Variants in FAM117B observed in about 807,000 individuals in gnomAD.
FAM117B encodes protein FAM117B.
In FAM117B, 22 loss-of-function variants were observed where a neutral mutation model predicts 52.8. The observed-to-expected ratio is 0.42, with a 90% CI of 0.30 to 0.59. The LOEUF (loss-of-function observed/expected upper bound fraction) is 0.59, where lower values mean the gene tolerates loss of function less well. Among genes scored for constraint, FAM117B ranks in the 20% least tolerant of loss-of-function variants. FAM117B has a pLI of 0.22. For missense variants in FAM117B, 678 were observed against 802.6 expected, an observed-to-expected ratio of 0.84 and a Z score of 1.88; for synonymous variants, 309 against 324.1, an observed-to-expected ratio of 0.95 and a Z score of 0.50.
In FAM117B at chr2:202,769,091, TCTTATA is replaced by T. The variant is rs1692031016; in HGVS notation, c.*3332_*3337del. 2 of 152,198 alleles carry T rather than the reference TCTTATA, an allele frequency of 1.3e-5. No individual in the cohort carries two copies. Among genetic ancestry groups the T allele is most frequent in the Admixed American group, 6.5e-5 (1 of 15,278 alleles). 9.4% of individuals were successfully genotyped at this position (152,198 alleles called of 1,614,324 possible). On this transcript the variant is annotated 3_prime_UTR_variant, in exon 8 of 8. Coordinates refer to ENST00000392238, the MANE Select transcript of FAM117B (RefSeq NM_173511.4). ...TAGATTATTCAATTTGTTTTATATT[TCTTATA>T]CTTAATACTTATGACTACAGTCCAA...
chr2:202,692,133 A>G (rs549255785), intron 1 of FAM117B, among the ~76,000 whole-genome samples: 9 of 152,328 alleles, frequency 5.9e-5, no homozygotes, highest in African/African-American at 2.2e-4. Context: ...CAAGACCCTT[A>G]CCAAGATAAT....
At chr2:202,664,409 G>A (rs569488795) in intron 1 of FAM117B, among the ~76,000 whole-genome samples, 6 of 152,192 alleles carry the variant, frequency 3.9e-5, no homozygotes, top group African/African-American at 1.4e-4. Context: ...ATAGTGCTAG[G>A]TAGAAGGCTT....
rs1370343491 is a variant in FAM117B, at chr2:202,635,481, CGGG to C, written c.295_297del (p.Gly99del). The C allele has an allele frequency of 9.6e-7, 1 of 1,036,386 alleles. No individual in the cohort carries two copies. The highest frequency in any genetic ancestry group is 8.8e-5 in the East Asian group (1 of 11,348). 64.2% of individuals were successfully genotyped at this position (1,036,386 alleles called of 1,614,324 possible). A position where few individuals can be genotyped will look rare whatever the true frequency, so the allele number is the denominator to read the frequency against. ...GCAGCACCAGCCCCACGCGCGGCGG[CGGG>C]AACGCGGCCGCGCGCACCAGCCCCA... On this transcript the variant is annotated inframe_deletion, in exon 1 of 8. Transcript: ENST00000392238.
chr2:202,698,392 A>G (rs1370517169), intron 2 of FAM117B, among the ~76,000 whole-genome samples: 1 of 152,210 alleles, frequency 6.6e-6, no homozygotes, highest in Non-Finnish European at 1.5e-5. Context: ...CTCTGTACTC[A>G]TCAAAAGTAA....
chr2:202,671,213 C>T (rs913751079), intron 1 of FAM117B, among the ~76,000 whole-genome samples: 2 of 152,140 alleles, frequency 1.3e-5, no homozygotes, highest in Non-Finnish European at 2.9e-5. Context: ...AAAGAAGACC[C>T]TGAGACAAGG....
In FAM117B at chr2:202,753,548, A is replaced by C. The variant is rs531185327; in HGVS notation, c.961-1990A>C. On this transcript the variant is annotated intron_variant, in intron 4 of 7. Coordinates refer to ENST00000392238, the MANE Select transcript of FAM117B (RefSeq NM_173511.4). The stretch of plus-strand genomic sequence containing the variant: ...TTAAGCTAAAGAGCTTCTGCTCAGC[A>C]AAAGAAACTATCATCAGAGTGAACA... 3.7e-3 allele frequency among the ~76,000 whole-genome samples: 571 copies of C among 152,322 alleles called. 5 individuals carry two copies. Among genetic ancestry groups the C allele is most frequent in the African/African-American group, 0.013 (546 of 41,578 alleles).
At chr2:202,750,161 G>T (rs183898653) in intron 4 of FAM117B, among the ~76,000 whole-genome samples, 1 of 152,256 alleles carries the variant, frequency 6.6e-6, no homozygotes, top group Admixed American at 6.5e-5. Context: ...GGAATGGGAG[G>T]TGACTCTCTG....
chr2:202,714,672 C>T (rs1691015564), intron 2 of FAM117B, among the ~76,000 whole-genome samples: 1 of 151,266 alleles, frequency 6.6e-6, no homozygotes, highest in African/African-American at 2.4e-5. Flanking sequence ...GGCAGAGGAC[C>T]CTGCGGCCTT....
chr2:202,705,002 T>C (rs1056528855), intron 2 of FAM117B, among the ~76,000 whole-genome samples: 8 of 151,834 alleles, frequency 5.3e-5, no homozygotes, highest in African/African-American at 1.5e-4. Context: ...GAAAGAGAAA[T>C]GCAGCATTTA....
intron 2 of FAM117B, among the ~76,000 whole-genome samples, chr2:202,707,032 G>GT (rs750769360): frequency 6.6e-6 from 1 of 151,948 alleles, no homozygotes; most frequent in Non-Finnish European, 1.5e-5. Context: ...ACCATACATT[G>GT]TTTTTTGTTG....
chr2:202,637,700 G>C (rs1370040095), intron 1 of FAM117B, among the ~76,000 whole-genome samples: 1 of 152,044 alleles, frequency 6.6e-6, no homozygotes, highest in Non-Finnish European at 1.5e-5. Context: ...CCTCACTATA[G>C]CTTTTAGAGA....
At chr2:202,723,684 A>C (rs1163955022) in intron 2 of FAM117B, among the ~76,000 whole-genome samples, 1 of 152,222 alleles carries the variant, frequency 6.6e-6, no homozygotes, top group Non-Finnish European at 1.5e-5. Flanking sequence ...TAACTTACTT[A>C]CATTGTTTCA....
chr2:202,691,405 C>T lies in FAM117B; in HGVS notation c.602-4476C>T, dbSNP rs551712414. ...CTGCACTCCAGCCTGGGTGATGGAG[C>T]GAGATTCTTTCCCCCCAAAAAAGAA... On this transcript the variant is annotated intron_variant, in intron 1 of 7. Coordinates refer to ENST00000392238, the MANE Select transcript of FAM117B (RefSeq NM_173511.4). 6.8e-4 allele frequency among the ~76,000 whole-genome samples: 103 copies of T among 151,722 alleles called. 1 individual carries two copies. The highest frequency in any genetic ancestry group is 2.4e-3 in the African/African-American group (100 of 41,310).
At position 202,655,552 on chromosome 2, in the gene FAM117B, T is replaced by C. The variant is rs76635056; in HGVS notation, c.601+19764T>C. On this transcript the variant is annotated intron_variant, in intron 1 of 7. Coordinates refer to ENST00000392238, the MANE Select transcript of FAM117B (RefSeq NM_173511.4). ...ATAATGCCTTTGCTTGGTTTAGATA[T>C]TGGGGGAAAGTTGGCTTTATAAAAT... 8.5e-3 allele frequency among the ~76,000 whole-genome samples: 1,293 copies of C among 152,216 alleles called. 25 individuals are homozygous for C. The highest frequency in any genetic ancestry group is 0.029 in the African/African-American group (1,222 of 41,540).
At chr2:202,722,007 A>AT (rs57678317) in intron 2 of FAM117B, among the ~76,000 whole-genome samples, 30,353 of 128,610 alleles carry the variant, frequency 0.24, 4,353 homozygotes, top group Non-Finnish European at 0.29. Flanking sequence ...TAAAGATACA[A>AT]TTTTTTTTTT....
intron 2 of FAM117B, among the ~76,000 whole-genome samples, chr2:202,696,398 A>G (rs573255050): frequency 6.6e-6 from 1 of 152,340 alleles, no homozygotes; most frequent in East Asian, 1.9e-4. Flanking sequence ...CATAAAATAC[A>G]CTAACACTAA....
chr2:202,735,198 G>A (rs778323235), intron 4 of FAM117B, among the ~76,000 whole-genome samples: 4 of 152,020 alleles, frequency 2.6e-5, no homozygotes, highest in Non-Finnish European at 5.9e-5. Context: ...TGGACTTAAA[G>A]CTTTTTCAGT....
At chr2:202,725,571 G>C (rs947088370) in intron 3 of FAM117B, among the ~76,000 whole-genome samples, 2 of 152,040 alleles carry the variant, frequency 1.3e-5, no homozygotes, top group Non-Finnish European at 2.9e-5. Flanking sequence ...TGCCTGCCTT[G>C]GCCTCCCAAA....
chr2:202,676,700 C>T (rs899203949), intron 1 of FAM117B, among the ~76,000 whole-genome samples: 11 of 151,978 alleles, frequency 7.2e-5, no homozygotes, highest in African/African-American at 2.7e-4. Context: ...TTTTAAGCCA[C>T]TAAGTTTTGG....
Sources: allele counts gnomAD v4.1 joint callset (sites outside exome capture counted in the v4.1 genomes callset), GRCh38; gene constraint gnomAD v4.1.1; transcripts MANE v1.5; gene names NCBI Gene and HGNC (gene_info 2026-07-23, HGNC 2026-07-21).